Variants in PCDHGB4 observed in about 807,000 individuals in gnomAD.
The protein encoded by PCDHGB4 is protocadherin gamma-B4.
A neutral mutation model predicts 60.5 loss-of-function variants in PCDHGB4; 38 were observed. The observed-to-expected ratio is 0.63, with a 90% CI of 0.48 to 0.82. The LOEUF (loss-of-function observed/expected upper bound fraction) is 0.82. Ranked by LOEUF, PCDHGB4 falls within the 40% of genes least tolerant of loss-of-function variation. PCDHGB4 has a pLI of 0.00. For missense variants in PCDHGB4, 1,109 were observed against 1,209.6 expected (o/e 0.92, Z 1.23); for synonymous variants, 456 against 509.7 (o/e 0.89, Z 1.42).
At chr5:141,395,557 T>C (rs1405901510) in intron 1 of PCDHGB4, 1 of 136,750 alleles carries the variant, frequency 7.3e-6, no homozygotes, top group East Asian at 1.5e-4. Context: ...TGTGTGTGTG[T>C]GTGTGTGTGT....
intron 1 of PCDHGB4, chr5:141,393,401 G>C: frequency 6.2e-7 from 1 of 1,614,036 alleles, no homozygotes; most frequent in South Asian, 1.1e-5. Context: ...AGCTGGTGCT[G>C]GAGCGCGCCC....
Position 141,485,627 on chromosome 5 carries a change from T to C in PCDHGB4, c.2398-9180T>C. 3 of 1,612,072 alleles carry C rather than the reference T, an allele frequency of 1.9e-6. No individual in the cohort carries two copies. Among genetic ancestry groups the C allele is most frequent in the Non-Finnish European group, 2.5e-6 (3 of 1,178,530 alleles). On this transcript the variant is annotated intron_variant, in intron 1 of 3. Transcript: ENST00000519479. This position sits in a 1 kb window ranked among gnomAD's most constrained non-coding sequence, Gnocchi z 5.7. ...GGAGGCAGCTCCTCCAGGACAGCGT[T>C]TCCCGTTGGAAAAGGCTCAGGATGC...
intron 1 of PCDHGB4, among the ~76,000 whole-genome samples, chr5:141,466,613 C>T (rs772278295): frequency 1.2e-4 from 19 of 152,144 alleles, no homozygotes; most frequent in Non-Finnish European, 2.4e-4. Context: ...TGTAAACTGC[C>T]GTTTTCTTTG....
At position 141,404,150 on chromosome 5, in the gene PCDHGB4, G is replaced by A. The variant is rs1325217999; in HGVS notation, c.2397+13869G>A. ...TTTTACATTAGAAAATTCAGAAGAA[G>A]ATTATTACAGATTGTTGACGGCCCA... is the stretch of plus-strand genomic sequence containing the variant. On this transcript the variant is annotated intron_variant, in intron 1 of 3. Coordinates refer to ENST00000519479, the MANE Select transcript of PCDHGB4 (RefSeq NM_003736.4). 5.0e-6 allele frequency: 8 copies of A among 1,612,830 alleles called. 1 individual carries two copies. In the Middle Eastern group the frequency reaches 6.6e-4, roughly 133 times the overall value.
In PCDHGB4 at chr5:141,485,580, A is replaced by C. The variant is rs761157560; in HGVS notation, c.2398-9227A>C. The C allele has an allele frequency of 6.2e-7, 1 of 1,612,610 alleles. No homozygotes were observed. The highest frequency in any genetic ancestry group is 2.2e-5 in the East Asian group (1 of 44,850). ...GATCACGCCCCCCGTTTTCCGCGGCAGCAGCTGGACTTGGAAATTGGGGAG... is the reference window on the plus strand; with the variant it reads ...GATCACGCCCCCCGTTTTCCGCGGCCGCAGCTGGACTTGGAAATTGGGGAG... On this transcript the variant is annotated intron_variant, in intron 1 of 3. Transcript: ENST00000519479. The surrounding 1 kb of genome is among the most constrained non-coding windows in gnomAD (Gnocchi z 5.7).
intron 1 of PCDHGB4, among the ~76,000 whole-genome samples, chr5:141,464,261 T>TC (rs2099079163): frequency 1.5e-5 from 2 of 137,096 alleles, no homozygotes; most frequent in African/African-American, 2.9e-5. Flanking sequence ...CGAGACTCCG[T>TC]CTAAAAAAAA....
chr5:141,394,001 G>A (rs766773377), intron 1 of PCDHGB4: 4 of 1,613,340 alleles, frequency 2.5e-6, no homozygotes, highest in Admixed American at 1.7e-5. Context: ...AATTAGAAAA[G>A]TCAATAGGTA....
Position 141,476,102 on chromosome 5 carries a change from C to G in PCDHGB4, c.2398-18705C>G, listed in dbSNP as rs1488747783. The G allele has an allele frequency of 1.3e-6, 2 of 1,576,940 alleles. No homozygotes were observed. Among genetic ancestry groups the G allele is most frequent in the African/African-American group, 2.7e-5 (2 of 73,926 alleles). ...ACGATCTGGACCCCGCTGAGAGGAA[C>G]TGCTTTTGAGTGAGATGGTCCCAGA... On this transcript the variant is annotated intron_variant, in intron 1 of 3. Transcript: ENST00000519479. The surrounding 1 kb of genome is among the most constrained non-coding windows in gnomAD (Gnocchi z 7.6).
chr5:141,504,941 T>G (rs2099842166), intron 2 of PCDHGB4, among the ~76,000 whole-genome samples: 1 of 152,046 alleles, frequency 6.6e-6, no homozygotes, highest in East Asian at 1.9e-4. Flanking sequence ...GGTGGGGGAA[T>G]GCACTATGTT....
rs534845593 is a variant in PCDHGB4, at chr5:141,478,216, G to A, written c.2398-16591G>A. On this transcript the variant is annotated intron_variant, in intron 1 of 3. Coordinates refer to ENST00000519479, the MANE Select transcript of PCDHGB4 (RefSeq NM_003736.4). ...TTTATCTACTTCTTTCTCTAATCCTGGTTTCTGTGGGGTTTGTGGTCACAG... is the reference window on the plus strand; with the variant it reads ...TTTATCTACTTCTTTCTCTAATCCTAGTTTCTGTGGGGTTTGTGGTCACAG... 414 of 1,614,090 alleles carry A rather than the reference G, an allele frequency of 2.6e-4. 9 individuals carry two copies. In the South Asian group the frequency reaches 4.4e-3, roughly 17 times the overall value.
At chr5:141,414,414 C>T (rs376404716) in intron 1 of PCDHGB4, 4 of 1,613,830 alleles carry the variant, frequency 2.5e-6, no homozygotes, top group South Asian at 1.1e-5. Context: ...TACACAGAGC[C>T]CTTGACAGGG....
intron 1 of PCDHGB4, among the ~76,000 whole-genome samples, chr5:141,472,497 G>A (rs1196427013): frequency 1.3e-5 from 2 of 151,958 alleles, no homozygotes; most frequent in Non-Finnish European, 2.9e-5. Context: ...ACGAGATCGT[G>A]CCACTGCACT....
chr5:141,443,307 C>A (rs1447607301), intron 1 of PCDHGB4, among the ~76,000 whole-genome samples: 1 of 136,584 alleles, frequency 7.3e-6, no homozygotes, highest in Non-Finnish European at 1.5e-5. Flanking sequence ...ATGGCAAAAA[C>A]CCATCTCTAC....
At position 141,486,837 on chromosome 5, in the gene PCDHGB4, T is replaced by G; in HGVS notation, c.2398-7970T>G. The G allele has an allele frequency of 6.2e-7, 1 of 1,614,256 alleles. No individual in the cohort carries two copies. The highest frequency in any genetic ancestry group is 8.5e-7 in the Non-Finnish European group (1 of 1,180,044). ...AGCACTGTAACAGTTCGTCTATTTG[T>G]GCTGGACCTCAATGACAATGCTCCA... On this transcript the variant is annotated intron_variant, in intron 1 of 3. Transcript: ENST00000519479. The surrounding 1 kb of genome is among the most constrained non-coding windows in gnomAD (Gnocchi z 5.0).
rs778294045 is a variant in PCDHGB4 at position 141,399,841 on chromosome 5, G to A, written c.2397+9560G>A. 2 of 1,612,968 alleles carry A rather than the reference G, an allele frequency of 1.2e-6. No homozygotes were observed. Among genetic ancestry groups the A allele is most frequent in the African/African-American group, 1.3e-5 (1 of 74,926 alleles). ...GGGTCCCGACGGCTCTGCGCTCTTC[G>A]ATATGGTGCCGCGCGCTGCAGAGCC... On this transcript the variant is annotated intron_variant, in intron 1 of 3. Transcript: ENST00000519479.
chr5:141,400,728 T>G (rs1293655070), intron 1 of PCDHGB4: 2 of 648,072 alleles, frequency 3.1e-6, no homozygotes, highest in Non-Finnish European at 5.2e-6. Flanking sequence ...ATTTACAAAG[T>G]AGTGAGAGTT....
chr5:141,416,996 C>T (rs1280099812), intron 1 of PCDHGB4: 1 of 151,012 alleles, frequency 6.6e-6, no homozygotes. Flanking sequence ...GTGCATTCAT[C>T]TCAAATAATT....
At chr5:141,418,393 C>A in intron 1 of PCDHGB4, 1 of 1,613,984 alleles carries the variant, frequency 6.2e-7, no homozygotes, top group Non-Finnish European at 8.5e-7. Context: ...ACGAGTATTT[C>A]TCATTGGTGG....
Position 141,408,177 on chromosome 5 carries a change from G to A in PCDHGB4, c.2397+17896G>A, listed in dbSNP as rs1359754385. 7.2e-6 allele frequency: 11 copies of A among 1,534,346 alleles called. 1 individual carries two copies. In the South Asian group the frequency reaches 1.3e-4, roughly 19 times the overall value. ...GCACTTTCTCCAACTGGAAAAGCGGGGACCCAGCGAGAACCCGAGCGAACG... is the reference window on the plus strand; with the variant it reads ...GCACTTTCTCCAACTGGAAAAGCGGAGACCCAGCGAGAACCCGAGCGAACG... On this transcript the variant is annotated intron_variant, in intron 1 of 3. Transcript: ENST00000519479.
Sources: gnomAD v4.1 joint callset for allele counts (sites outside exome capture counted in the v4.1 genomes callset) on GRCh38, gnomAD v4.1.1 for gene constraint, Gnocchi (gnomAD v3.1) non-coding constraint, MANE v1.5 for transcripts, NCBI Gene and HGNC (gene_info 2026-07-23, HGNC 2026-07-21) for gene names.